The following VAC14 variants were observed in gnomAD, a reference collection of about 807,000 sequenced individuals.
VAC14 encodes the protein VAC14 component of PIKFYVE complex, also known as protein VAC14 homolog.
Under a neutral mutation model 85.3 loss-of-function variants are expected in VAC14, and 47 were observed. The observed-to-expected ratio is 0.55, with a 90% CI of 0.44 to 0.70. The LOEUF (loss-of-function observed/expected upper bound fraction) is 0.70. Ranked by LOEUF, VAC14 falls within the 30% of genes least tolerant of loss-of-function variation. The probability of loss-of-function intolerance (pLI) is 0.00; values close to 1 mark genes in which losing one functional copy is unlikely to be tolerated. For synonymous variants in VAC14, 447 were observed against 430.5 expected, an observed-to-expected ratio of 1.04 and a Z score of -0.47; for missense variants, 861 against 1,004.3, an observed-to-expected ratio of 0.86 and a Z score of 1.93.
intron 15 of VAC14, among the ~76,000 whole-genome samples, chr16:70,698,236 G>A (rs778738152): frequency 7.2e-5 from 11 of 152,156 alleles, no homozygotes; most frequent in Middle Eastern, 3.2e-3. Flanking sequence ...CCCCTGATTC[G>A]CCAGCAAGGT....
chr16:70,690,502 C>G (rs1356560468), intron 18 of VAC14: 22 of 985,516 alleles, frequency 2.2e-5, no homozygotes, highest in Non-Finnish European at 2.5e-5. Flanking sequence ...CTTAGAGGTT[C>G]CCTCCTGCCT....
chr16:70,745,518 T>TGC (rs370869532), intron 12 of VAC14, among the ~76,000 whole-genome samples: 4,530 of 141,072 alleles, frequency 0.032, 234 homozygotes, highest in African/African-American at 0.11. Flanking sequence ...TGTGTGTGTG[T>TGC]GCGCGTGTGC....
intron 13 of VAC14, among the ~76,000 whole-genome samples, chr16:70,739,551 G>C (rs1567554437): frequency 6.6e-6 from 1 of 152,164 alleles, no homozygotes; most frequent in Non-Finnish European, 1.5e-5. Context: ...TGGGATTCCT[G>C]AGTGGGGTGA....
chr16:70,792,791 C>A (rs116052014), intron 1 of VAC14, among the ~76,000 whole-genome samples: 2 of 152,162 alleles, frequency 1.3e-5, no homozygotes, highest in Non-Finnish European at 2.9e-5. Context: ...CAGTGACAGT[C>A]GCAAGAGACT....
At position 70,772,134 on chromosome 16, in the gene VAC14, C is replaced by T. The variant is rs778169043; in HGVS notation, c.1135G>A (p.Gly379Ser). 1.5e-5 allele frequency: 24 copies of T among 1,613,948 alleles called. No individual in the cohort carries two copies. Among genetic ancestry groups the T allele is most frequent in the East Asian group, 1.3e-4 (6 of 44,898 alleles). Residue 379 changes from glycine (G) to serine (S), a missense_variant, in exon 10 of 19, where the codon GGC (glycine) becomes AGC (serine). Around this residue, in one of 3 missense-constraint regions of VAC14, gnomAD observed 629 missense variants for 703.1 expected, o/e 0.89. Coordinates refer to ENST00000261776, the MANE Select transcript of VAC14 (RefSeq NM_018052.5). ...DGSCDSSFSS[G>S]ISVFTAASTE... Reference sequence around the variant, plus strand: ...CTGGCTGCAGTGAAGACACTGATGCCGCTACTGAAGCTGGAGTCACAGGAA... The same window carrying T: ...CTGGCTGCAGTGAAGACACTGATGCTGCTACTGAAGCTGGAGTCACAGGAA...
chr16:70,754,312 C>T (rs1367583308), intron 12 of VAC14, among the ~76,000 whole-genome samples: 1 of 152,148 alleles, frequency 6.6e-6, no homozygotes, highest in Non-Finnish European at 1.5e-5. Context: ...GTTACCTTGC[C>T]ATTCCCCTCT....
chr16:70,761,907 T>C (rs2032419041), intron 12 of VAC14, among the ~76,000 whole-genome samples: 1 of 151,914 alleles, frequency 6.6e-6, no homozygotes, highest in Non-Finnish European at 1.5e-5. Flanking sequence ...CCCTCTCACA[T>C]CCCCCTATGG....
At chr16:70,761,946 T>G (rs1240038233) in intron 12 of VAC14, among the ~76,000 whole-genome samples, 1 of 152,094 alleles carries the variant, frequency 6.6e-6, no homozygotes, top group East Asian at 1.9e-4. Context: ...AGAGGAAAAC[T>G]GAGATGCTGA....
intron 14 of VAC14, among the ~76,000 whole-genome samples, chr16:70,701,251 C>G (rs900859787): frequency 6.6e-6 from 1 of 152,194 alleles, no homozygotes; most frequent in Non-Finnish European, 1.5e-5. Context: ...CCCTCCGGCC[C>G]TGAGCCCCTG....
intron 13 of VAC14, among the ~76,000 whole-genome samples, chr16:70,736,383 G>T (rs2054753653): frequency 6.6e-6 from 1 of 152,188 alleles, no homozygotes; most frequent in South Asian, 2.1e-4. Flanking sequence ...GATGTCTGGG[G>T]GCTGGTCTGA....
At chr16:70,783,362 G>T in intron 6 of VAC14, 83 bp downstream of exon 6, 1 of 1,395,856 alleles carries the variant, frequency 7.2e-7, no homozygotes, top group East Asian at 2.3e-5. Context: ...CCCTCCTGCC[G>T]CGGCCTCTCT....
intron 10 of VAC14, among the ~76,000 whole-genome samples, chr16:70,764,122 T>C (rs2032624715): frequency 6.6e-6 from 1 of 152,250 alleles, no homozygotes; most frequent in Admixed American, 6.5e-5. Flanking sequence ...GGCTGTGCTT[T>C]CCTCACTCGC....
At chr16:70,776,580 C>T (rs2033529434) in intron 9 of VAC14, among the ~76,000 whole-genome samples, 1 of 152,084 alleles carries the variant, frequency 6.6e-6, no homozygotes, top group Non-Finnish European at 1.5e-5. Flanking sequence ...TAACTTTTAA[C>T]CTTTTTTCAG....
chr16:70,687,794 G>T lies in VAC14; in HGVS notation c.*134C>A, dbSNP rs758785453. The T allele has an allele frequency of 5.9e-5, 59 of 1,007,736 alleles. No individual in the cohort carries two copies. In the African/African-American group the frequency reaches 8.9e-4, roughly 15 times the overall value. 62.4% of individuals were successfully genotyped at this position (1,007,736 alleles called of 1,614,324 possible). ...AGCTTGGGCAGACACAGCAGCCTCC[G>T]GCCCCAACACTGCCCTGGGTTGGCA... On this transcript the variant is annotated 3_prime_UTR_variant, in exon 19 of 19. Transcript: ENST00000261776.
chr16:70,787,644 C>A lies in VAC14; in HGVS notation c.105-1279G>T, dbSNP rs561003597. Among the ~76,000 whole-genome samples the A allele has an allele frequency of 5.9e-5, 9 of 152,302 alleles. No individual in the cohort carries two copies. The South Asian group carries it at 6.2e-4, about 11-fold the overall frequency. On this transcript the variant is annotated intron_variant, in intron 1 of 18. Coordinates refer to ENST00000261776, the MANE Select transcript of VAC14 (RefSeq NM_018052.5). ...CCCCAGATCACTGATGGAGGAGAGG[C>A]AGCTGGGGTGGTCAGGGGAGTTTTC...
At chr16:70,800,196 A>G (rs2034714440) in intron 1 of VAC14, among the ~76,000 whole-genome samples, 1 of 152,274 alleles carries the variant, frequency 6.6e-6, no homozygotes, top group Non-Finnish European at 1.5e-5. Flanking sequence ...ATAAAGTAAA[A>G]TATCAGATCA....
At chr16:70,696,278 C>T (rs1369086427) in intron 16 of VAC14, among the ~76,000 whole-genome samples, 3 of 152,110 alleles carry the variant, frequency 2.0e-5, no homozygotes, top group East Asian at 3.9e-4. Context: ...TTTGGGAGGC[C>T]GAGATGGGCA....
At chr16:70,690,092 C>G (rs1413883948) in intron 18 of VAC14, 1 of 985,622 alleles carries the variant, frequency 1.0e-6, no homozygotes, top group East Asian at 1.1e-4. Context: ...GCTCTCAGCA[C>G]TGGATGGCAA....
At chr16:70,781,478 C>A (rs1007198810) in intron 8 of VAC14, among the ~76,000 whole-genome samples, 1 of 152,184 alleles carries the variant, frequency 6.6e-6, no homozygotes, top group Admixed American at 6.5e-5. Flanking sequence ...GACAGGCTGT[C>A]CGAACTGAGC....
Sources: allele counts gnomAD v4.1 joint callset (sites outside exome capture counted in the v4.1 genomes callset), GRCh38; gene constraint gnomAD v4.1.1; regional missense constraint gnomAD v4.1.1; transcripts MANE v1.5; gene names NCBI Gene and HGNC (gene_info 2026-07-23, HGNC 2026-07-21).